Variants in MAPRE2 observed in about 807,000 individuals in gnomAD.
MAPRE2 encodes the protein microtubule-associated protein RP/EB family member 2.
MAPRE2 carries 13 observed loss-of-function variants against 43.2 expected under a neutral mutation model. The observed-to-expected ratio is 0.30, with a 90% CI of 0.20 to 0.48. The LOEUF is 0.48. MAPRE2 is among the 20% of genes least tolerant of loss of function. The pLI is 0.99. For missense variants in MAPRE2, 161 were observed against 400.2 expected (o/e 0.40, Z 5.10); for synonymous variants, 135 against 148.8 (o/e 0.91, Z 0.68).
chr18:35,097,015 A>G (rs973312231), intron 2 of MAPRE2, among the ~76,000 whole-genome samples: 2 of 152,136 alleles, frequency 1.3e-5, no homozygotes, highest in Non-Finnish European at 2.9e-5. Flanking sequence ...TAGTTCTCTC[A>G]TGTTTTCCTC....
chr18:35,001,398 C>G (rs2097029268), intron 1 of MAPRE2, among the ~76,000 whole-genome samples: 1 of 151,986 alleles, frequency 6.6e-6, no homozygotes, highest in South Asian at 2.1e-4. Context: ...CCTGTAATCC[C>G]AGCTACGCGG....
At chr18:34,983,949 C>T (rs1238421139) in intron 1 of MAPRE2, among the ~76,000 whole-genome samples, 1 of 152,160 alleles carries the variant, frequency 6.6e-6, no homozygotes, top group Non-Finnish European at 1.5e-5. Context: ...CACTCCTTTT[C>T]TAAAACATGC....
chr18:35,121,701 G>A (rs1909678340), intron 4 of MAPRE2, among the ~76,000 whole-genome samples: 1 of 152,126 alleles, frequency 6.6e-6, no homozygotes, highest in African/African-American at 2.4e-5. Context: ...TTATGTAAAT[G>A]TTTTCCACAT....
At chr18:35,070,350 C>G (rs1165628227) in intron 2 of MAPRE2, 28 bp downstream of exon 2, 1 of 1,556,634 alleles carries the variant, frequency 6.4e-7, no homozygotes, top group Admixed American at 2.0e-5. Context: ...AAGTGTTTAC[C>G]TAAATATTTA....
chr18:35,110,708 T>C (rs1234964447), intron 4 of MAPRE2, among the ~76,000 whole-genome samples: 1 of 152,168 alleles, frequency 6.6e-6, no homozygotes, highest in Non-Finnish European at 1.5e-5. Context: ...ATATTTTCAC[T>C]TGATAAAGGA....
chr18:35,049,775 C>G (rs933300306), intron 1 of MAPRE2, among the ~76,000 whole-genome samples: 1 of 152,120 alleles, frequency 6.6e-6, no homozygotes, highest in South Asian at 2.1e-4. Context: ...ATTATCACTC[C>G]TATAATTTTC....
chr18:35,031,971 G>T (rs558256520), intron 2 of MAPRE2, among the ~76,000 whole-genome samples: 57 of 152,274 alleles, frequency 3.7e-4, no homozygotes, highest in African/African-American at 1.4e-3. Flanking sequence ...ATCTTCCTAT[G>T]CCTCTGGGTG....
chr18:35,082,163 G>C (rs1477905127), intron 2 of MAPRE2: 1 of 111,518 alleles, frequency 9.0e-6, no homozygotes, highest in Non-Finnish European at 1.6e-5. Context: ...AGTGGCGGGC[G>C]CCTGTAGTCC....
rs1330054072 is a variant in MAPRE2 at position 35,014,972 on chromosome 18, C to T, written c.-8+9419C>T. On this transcript the variant is annotated intron_variant, in intron 2 of 7. Transcript: ENST00000413393. ...GCTAGCCAAAATGTCACTAAAATTA[C>T]TCTGAGGTTGACATGTCTTATCAAA... Among the ~76,000 whole-genome samples the T allele has an allele frequency of 2.6e-5, 4 of 152,112 alleles. No homozygotes were observed. The East Asian group carries it at 7.7e-4, about 29-fold the overall frequency.
chr18:35,104,134 A>G (rs1361579695), intron 4 of MAPRE2, among the ~76,000 whole-genome samples: 1 of 152,202 alleles, frequency 6.6e-6, no homozygotes. Flanking sequence ...AAGAGGGGTC[A>G]CCAACAGTGC....
chr18:35,103,021 C>T lies in MAPRE2; in HGVS notation c.610+862C>T, dbSNP rs866455226. ...AATGAAGTAGAAATGGTTAACAGGA[C>T]CACATAGGTGGTAAGAGCTTTGAAA... On this transcript the variant is annotated intron_variant, in intron 4 of 6. Coordinates refer to ENST00000300249, the MANE Select transcript of MAPRE2 (RefSeq NM_014268.4). 4.3e-3 allele frequency among the ~76,000 whole-genome samples: 656 copies of T among 152,284 alleles called. 3 individuals are homozygous for T. Among genetic ancestry groups the T allele is most frequent in the African/African-American group, 0.015 (618 of 41,568 alleles).
rs977608584 is a variant in MAPRE2 at position 35,013,181 on chromosome 18, A to G, written c.-8+7628A>G. The stretch of plus-strand genomic sequence containing the variant: ...AGCCAGATGCAAGAAGTTGAGGAGG[A>G]AGGGAGAAATTGAGAAGTGGAAAGG... On this transcript the variant is annotated intron_variant, in intron 2 of 7. Coordinates refer to the MAPRE2 transcript ENST00000413393. 1.1e-4 allele frequency among the ~76,000 whole-genome samples: 16 copies of G among 152,242 alleles called. 1 individual carries two copies. The highest frequency in any genetic ancestry group is 4.6e-4 in the Admixed American group (7 of 15,286).
rs142434223 is a variant in MAPRE2 at position 35,126,555 on chromosome 18, T to C, written c.611-393T>C. Among the ~76,000 whole-genome samples the C allele has an allele frequency of 4.7e-4, 72 of 152,356 alleles. No homozygotes were observed. The East Asian group carries it at 0.014, about 29-fold the overall frequency. On this transcript the variant is annotated intron_variant, in intron 4 of 6. Transcript: ENST00000300249. ...ATTGATATTTCTGCTGAAGTATTAA[T>C]TGGTTATAAGATCTTTTCTCTTGTT...
intron 2 of MAPRE2, among the ~76,000 whole-genome samples, chr18:35,014,392 T>A (rs1446485854): frequency 6.6e-6 from 1 of 151,522 alleles, no homozygotes; most frequent in East Asian, 1.9e-4. Flanking sequence ...GGTGATTTTT[T>A]TTTTTTTTTT....
intron 2 of MAPRE2, among the ~76,000 whole-genome samples, chr18:35,071,880 A>T (rs1907133133): frequency 6.6e-6 from 1 of 152,234 alleles, no homozygotes; most frequent in Non-Finnish European, 1.5e-5. Context: ...TGCCTCACTC[A>T]CAAATCTATG....
At chr18:35,051,704 T>A (rs1376945397) in intron 1 of MAPRE2, among the ~76,000 whole-genome samples, 1 of 152,212 alleles carries the variant, frequency 6.6e-6, no homozygotes, top group Non-Finnish European at 1.5e-5. Flanking sequence ...GTGAGACTTT[T>A]ACTTTCTGTC....
intron 1 of MAPRE2, among the ~76,000 whole-genome samples, chr18:34,985,460 G>T (rs1465760889): frequency 1.7e-4 from 6 of 36,174 alleles, no homozygotes; most frequent in Admixed American, 1.1e-3. Flanking sequence ...TAACTATATT[G>T]TATATTATAT....
chr18:35,132,334 ATAAACATCG>A lies in MAPRE2; in HGVS notation c.909+146_909+154del. Reference sequence around the variant, plus strand: ...AAGTGCACCTGATAGTCCCAAAGGAATAAACATCGTTATCATCATGATCTATTGACCCAT... The same window carrying A: ...AAGTGCACCTGATAGTCCCAAAGGAATTATCATCATGATCTATTGACCCAT... On this transcript the variant is annotated intron_variant, in intron 6 of 6. Transcript: ENST00000300249. 1.0e-5 allele frequency: 7 copies of A among 688,282 alleles called. 1 individual carries two copies. The highest frequency in any genetic ancestry group is 1.7e-5 in the Non-Finnish European group (7 of 418,270). 42.6% of individuals were successfully genotyped at this position (688,282 alleles called of 1,614,324 possible).
At position 35,054,050 on chromosome 18, in the gene MAPRE2, C is replaced by A. The variant is rs190682846; in HGVS notation, c.122+12389C>A. Among the ~76,000 whole-genome samples, 3 of 152,110 alleles carry A rather than the reference C, an allele frequency of 2.0e-5. No homozygotes were observed. The South Asian group carries it at 6.2e-4, about 32-fold the overall frequency. ...AGAATAGCCAAAGCGTTGGATGCCC[C>A]CCTTTTAAAAATTTTTGTGGTGAAG... On this transcript the variant is annotated intron_variant, in intron 1 of 6. Coordinates refer to ENST00000300249, the MANE Select transcript of MAPRE2 (RefSeq NM_014268.4).
Sources: gnomAD v4.1 joint callset for allele counts (sites outside exome capture counted in the v4.1 genomes callset) on GRCh38, gnomAD v4.1.1 for gene constraint, MANE v1.5 for transcripts, NCBI Gene and HGNC (gene_info 2026-07-23, HGNC 2026-07-21) for gene names.